SLC22A14: variants seen among roughly 807,000 people sequenced by gnomAD.
The protein encoded by SLC22A14 is organic cation transporter-like 4.
A neutral mutation model predicts 53.9 loss-of-function variants in SLC22A14; 50 were observed. The observed-to-expected ratio is 0.93, with a 90% CI of 0.74 to 1.17. The LOEUF is 1.17. Ranked by LOEUF, SLC22A14 falls within the 50% of genes most tolerant of loss-of-function variation. The pLI is 0.00. For missense variants in SLC22A14, 671 were observed against 734.7 expected, an observed-to-expected ratio of 0.91 and a Z score of 1.00; for synonymous variants, 312 against 303.0, an observed-to-expected ratio of 1.03 and a Z score of -0.31.
intron 1 of SLC22A14, among the ~76,000 whole-genome samples, chr3:38,283,474 C>A (rs900295437): frequency 6.6e-6 from 1 of 152,052 alleles, no homozygotes; most frequent in East Asian, 1.9e-4. Flanking sequence ...AGGCAGGAGG[C>A]AAAGACAAGT....
chr3:38,316,551 G>A, intron 10 of SLC22A14, 27 bp downstream of exon 10: 1 of 1,598,864 alleles, frequency 6.3e-7, no homozygotes, highest in Non-Finnish European at 8.6e-7. Flanking sequence ...CCTGGGCTGT[G>A]CCAGCACGGG....
At chr3:38,312,624 G>A (rs569564847) in intron 5 of SLC22A14, among the ~76,000 whole-genome samples, 1 of 152,296 alleles carries the variant, frequency 6.6e-6, no homozygotes, top group African/African-American at 2.4e-5. Context: ...AGGGCATGGG[G>A]GCTCTACAGG....
At chr3:38,280,766 A>T (rs542672346), upstream of SLC22A14, among the ~76,000 whole-genome samples, 115 of 152,112 alleles carry the variant, frequency 7.6e-4, no homozygotes, top group South Asian at 3.5e-3. Flanking sequence ...AGTAACTGGG[A>T]TTACAGGTGT....
intron 1 of SLC22A14, among the ~76,000 whole-genome samples, chr3:38,289,695 T>C (rs900412076): frequency 6.6e-5 from 10 of 151,856 alleles, no homozygotes; most frequent in Admixed American, 6.6e-4. Context: ...CGATCCGGAG[T>C]GGCAATGGGC....
At chr3:38,289,095 A>G (rs1703852505) in intron 1 of SLC22A14, among the ~76,000 whole-genome samples, 2 of 144,600 alleles carry the variant, frequency 1.4e-5, no homozygotes, top group Admixed American at 7.5e-5. Flanking sequence ...CAGAAGGCAC[A>G]CCTAAGCCCG....
chr3:38,313,172 C>G, intron 6 of SLC22A14, 53 bp downstream of exon 6: 1 of 1,597,652 alleles, frequency 6.3e-7, no homozygotes, highest in Non-Finnish European at 8.5e-7. Context: ...GTGGAAGGGC[C>G]CCTTCCCTCC....
At position 38,306,319 on chromosome 3, in the gene SLC22A14, G is replaced by A. The variant is rs372904499; in HGVS notation, c.293G>A (p.Cys98Tyr). The A allele has an allele frequency of 1.1e-5, 17 of 1,614,044 alleles. No homozygotes were observed. Among genetic ancestry groups the A allele is most frequent in the Non-Finnish European group, 1.4e-5 (16 of 1,180,038 alleles). The change falls in exon 2 of 11, where the codon TGC (cysteine) becomes TAC (tyrosine). Residue 98 changes from cysteine (C) to tyrosine (Y), a missense_variant. Transcript: ENST00000448498. Reference protein sequence around the residue: ...HFVFTAQKPYCNTSWILAVGP... With the variant: ...HFVFTAQKPYYNTSWILAVGP... Reference sequence around the variant, plus strand: ...GTGTTCACAGCCCAGAAGCCCTATTGCAATACCAGCTGGATCCTGGCAGTG... The same window carrying A: ...GTGTTCACAGCCCAGAAGCCCTATTACAATACCAGCTGGATCCTGGCAGTG...
intron 1 of SLC22A14, among the ~76,000 whole-genome samples, chr3:38,283,691 G>C (rs1027786432): frequency 1.3e-5 from 2 of 152,088 alleles, no homozygotes; most frequent in African/African-American, 2.4e-5. Flanking sequence ...TTAGCCAGGC[G>C]TGGTGGCTTG....
upstream of SLC22A14, among the ~76,000 whole-genome samples, chr3:38,279,576 T>A (rs1703623958): frequency 6.6e-6 from 1 of 152,158 alleles, no homozygotes; most frequent in Non-Finnish European, 1.5e-5. Context: ...CCACCATGCC[T>A]GGTCCCTGGA....
At chr3:38,301,946 C>G (rs1704169314) in intron 1 of SLC22A14, among the ~76,000 whole-genome samples, 1 of 151,256 alleles carries the variant, frequency 6.6e-6, no homozygotes, top group Admixed American at 6.6e-5. Flanking sequence ...TATATATTAT[C>G]TAGGCCAGGC....
At chr3:38,303,390 C>T (rs1404870843) in intron 1 of SLC22A14, among the ~76,000 whole-genome samples, 1 of 152,100 alleles carries the variant, frequency 6.6e-6, no homozygotes, top group Non-Finnish European at 1.5e-5. Flanking sequence ...GCCACAAGTA[C>T]CACTTTTTAT....
chr3:38,311,768 A>G (rs571928287), intron 5 of SLC22A14, among the ~76,000 whole-genome samples: 3 of 152,226 alleles, frequency 2.0e-5, no homozygotes, highest in Non-Finnish European at 4.4e-5. Flanking sequence ...TGCATCTGAG[A>G]CCTCATCAGA....
upstream of SLC22A14, among the ~76,000 whole-genome samples, chr3:38,281,958 G>A (rs1235603168): frequency 6.6e-6 from 1 of 152,210 alleles, no homozygotes; most frequent in Non-Finnish European, 1.5e-5. Flanking sequence ...TGGCAGGGGA[G>A]TGTCACGGAG....
In SLC22A14 at chr3:38,306,169, A is replaced by G; in HGVS notation, c.143A>G (p.Gln48Arg). The part of the protein sequence containing the change: ...LRRLRAVHTK[Q>R]DDKFANLLDA... Reference sequence around the variant, plus strand: ...AGATTGAGGGCTGTCCACACCAAGCAGGATGACAAGTTTGCCAACCTCCTG... The same window carrying G: ...AGATTGAGGGCTGTCCACACCAAGCGGGATGACAAGTTTGCCAACCTCCTG... The change falls in exon 2 of 11, where the codon CAG (glutamine) becomes CGG (arginine). Residue 48 changes from glutamine to arginine, a missense_variant. Transcript: ENST00000448498. 1 of 1,614,206 alleles carries G rather than the reference A, an allele frequency of 6.2e-7. No individual in the cohort carries two copies.
Position 38,313,457 on chromosome 3 carries a change from A to C in SLC22A14, c.1135A>C (p.Lys379Gln). The C allele has an allele frequency of 6.2e-7, 1 of 1,613,538 alleles. No individual in the cohort carries two copies. The highest frequency in any genetic ancestry group is 8.5e-7 in the Non-Finnish European group (1 of 1,179,460). ...LDFCKNRQLCKVTLVMSCVWF... is the reference protein window; with the variant it reads ...LDFCKNRQLCQVTLVMSCVWF... ...CTTCTGTAAGAATAGGCAGCTCTGC[A>C]AGGTGACCTTGGTGATGAGCTGTGT... The change falls in exon 7 of 11, where the codon AAG becomes CAG. Residue 379 changes from lysine (K) to glutamine (Q), a missense_variant. Coordinates refer to ENST00000448498, the MANE Select transcript of SLC22A14 (RefSeq NM_001320033.2).
At chr3:38,285,692 A>G (rs144032888) in intron 1 of SLC22A14, among the ~76,000 whole-genome samples, 1 of 152,214 alleles carries the variant, frequency 6.6e-6, no homozygotes, top group East Asian at 1.9e-4. Context: ...GCATTCTTTC[A>G]TTGATGTGCA....
chr3:38,291,728 C>T (rs537843956), intron 1 of SLC22A14, among the ~76,000 whole-genome samples: 2 of 152,180 alleles, frequency 1.3e-5, no homozygotes, highest in Non-Finnish European at 2.9e-5. Context: ...AGTCTTGCCC[C>T]GTTGGCAAGT....
chr3:38,313,741 AC>A lies in SLC22A14; in HGVS notation c.1179del (p.Tyr393Ter). On this transcript the variant is annotated frameshift_variant, in exon 8 of 11. Transcript: ENST00000448498. LOFTEE classifies it high-confidence loss of function. ...VMSCVWFTVS[Y>X]TYFTLSLRMR... ...GCTTCATCCAGGTTTACCGTCAGTT[AC>A]ACCTATTTTACGTTGAGCCTGAGAA... 1 of 1,563,876 alleles carries A rather than the reference AC, an allele frequency of 6.4e-7. No individual in the cohort carries two copies.
At chr3:38,298,520 C>G (rs950175596) in intron 1 of SLC22A14, among the ~76,000 whole-genome samples, 5 of 151,592 alleles carry the variant, frequency 3.3e-5, no homozygotes, top group African/African-American at 1.2e-4. Context: ...GGTTCCAATC[C>G]AAGACCACAG....
Sources: gnomAD v4.1 joint callset for allele counts (sites outside exome capture counted in the v4.1 genomes callset) on GRCh38, gnomAD v4.1.1 for gene constraint, MANE v1.5 for transcripts, NCBI Gene and HGNC (gene_info 2026-07-23, HGNC 2026-07-21) for gene names.